Variants in BCR observed in about 807,000 individuals in gnomAD.
BCR encodes BCR activator of RhoGEF and GTPase.
BCR carries 58 observed loss-of-function variants against 138.6 expected under a neutral mutation model. That is an observed-to-expected ratio of 0.42 (90% CI 0.34 to 0.52). The LOEUF is 0.52. Among genes scored for constraint, BCR ranks in the 20% least tolerant of loss-of-function variants. The pLI, the probability that BCR is intolerant of heterozygous loss-of-function variation, is 0.06. For missense variants in BCR, 1,599 were observed against 1,727.2 expected (o/e 0.93, Z 1.32); for synonymous variants, 786 against 730.1 (o/e 1.08, Z -1.23).
intron 19 of BCR, chr22:23,312,458 G>A (rs2074018161): frequency 5.6e-6 from 1 of 180,070 alleles, no homozygotes; most frequent in South Asian, 1.3e-4. Flanking sequence ...AACCTGGCCT[G>A]TGGTGAGGAT....
chr22:23,269,800 C>G (rs1255304815), intron 5 of BCR, among the ~76,000 whole-genome samples: 1 of 152,212 alleles, frequency 6.6e-6, no homozygotes, highest in Non-Finnish European at 1.5e-5. Context: ...CTTGACAAAT[C>G]AGGGACCTGA....
Position 23,194,193 on chromosome 22 carries a change from A to G in BCR, c.1279+11954A>G, listed in dbSNP as rs538505090. ...AGTGATAAATGGAACTCATTTATGA[A>G]TTTTGACTTCCAAAAGCTTTCCACT... On this transcript the variant is annotated intron_variant, in intron 1 of 22. Transcript: ENST00000305877. 2.0e-3 allele frequency among the ~76,000 whole-genome samples: 305 copies of G among 152,312 alleles called. 2 individuals are homozygous for G. Among genetic ancestry groups the G allele is most frequent in the African/African-American group, 7.0e-3 (290 of 41,566 alleles).
intron 4 of BCR, chr22:23,263,312 C>A: frequency 1.7e-6 from 2 of 1,169,614 alleles, no homozygotes; most frequent in Non-Finnish European, 2.5e-6. Flanking sequence ...TGTGGCACTT[C>A]ACCAACTGCG....
chr22:23,240,925 T>C (rs1284616937), intron 1 of BCR, among the ~76,000 whole-genome samples: 1 of 152,224 alleles, frequency 6.6e-6, no homozygotes, highest in Non-Finnish European at 1.5e-5. Context: ...ACGTGGAATC[T>C]TACGGTATTT....
intron 1 of BCR, among the ~76,000 whole-genome samples, chr22:23,227,727 C>T (rs868717500): frequency 3.9e-5 from 6 of 152,322 alleles, no homozygotes; most frequent in African/African-American, 9.6e-5. Context: ...AGTGCTGCAC[C>T]CTTTTAGAAC....
In BCR at chr22:23,181,867, T is replaced by C. The variant is rs1377764151; in HGVS notation, c.907T>C (p.Ser303Pro). 1.2e-6 allele frequency: 2 copies of C among 1,613,016 alleles called. No individual in the cohort carries two copies. Among genetic ancestry groups the C allele is most frequent in the African/African-American group, 2.7e-5 (2 of 74,926 alleles). ...CCCGCTCCTGCGCAGCCAGAGCACC[T>C]CTGAGCAGGAGAAGCGCCTTACCTG... ...KGPLLRSQST[S>P]EQEKRLTWPR... The change falls in exon 1 of 23, where the codon TCT becomes CCT. Residue 303 changes from serine to proline, a missense_variant. Physicochemically the swap from Ser to Pro is moderately conservative, Grantham distance 74 (BLOSUM62 -1). Around this residue, in one of 4 missense-constraint regions of BCR, gnomAD observed 806 missense variants for 635.0 expected, o/e 1.27. Coordinates refer to ENST00000305877, the MANE Select transcript of BCR (RefSeq NM_004327.4).
At chr22:23,252,453 CAG>C (rs2073241787) in intron 1 of BCR, among the ~76,000 whole-genome samples, 1 of 88,864 alleles carries the variant, frequency 1.1e-5, no homozygotes, top group African/African-American at 5.3e-5. Flanking sequence ...TTTTTTGAGA[CAG>C]AGTCTTGCTC....
At chr22:23,262,679 G>A in intron 4 of BCR, 1 of 673,306 alleles carries the variant, frequency 1.5e-6, no homozygotes, top group Non-Finnish European at 1.8e-6. Flanking sequence ...CTGGGTGTGG[G>A]GCCGCCGGGA....
At chr22:23,263,131 C>T (rs1435752178) in intron 4 of BCR, 23 of 705,106 alleles carry the variant, frequency 3.3e-5, no homozygotes, top group South Asian at 7.5e-5. Flanking sequence ...GGGACAGGGG[C>T]GGCCATGGCG....
In BCR at chr22:23,185,534, C is replaced by G. The variant is rs559413639; in HGVS notation, c.1279+3295C>G. Among the ~76,000 whole-genome samples the G allele has an allele frequency of 2.3e-3, 344 of 151,346 alleles. 2 individuals carry two copies. Among genetic ancestry groups the G allele is most frequent in the African/African-American group, 7.5e-3 (310 of 41,324 alleles). ...CAAAAAATTAGCCGGGTGTGGTGGCCGGCGCCTGTAGTCCCAGCTACTCGG... is the reference window on the plus strand; with the variant it reads ...CAAAAAATTAGCCGGGTGTGGTGGCGGGCGCCTGTAGTCCCAGCTACTCGG... On this transcript the variant is annotated intron_variant, in intron 1 of 22. Coordinates refer to ENST00000305877, the MANE Select transcript of BCR (RefSeq NM_004327.4).
intron 19 of BCR, chr22:23,312,266 A>G (rs1011524331): frequency 1.0e-5 from 2 of 191,458 alleles, no homozygotes; most frequent in Non-Finnish European, 2.2e-5. Flanking sequence ...TGGAACTGTC[A>G]CAAATGCCAG....
chr22:23,191,947 C>T (rs1215696315), intron 1 of BCR, among the ~76,000 whole-genome samples: 2 of 152,128 alleles, frequency 1.3e-5, no homozygotes, highest in Non-Finnish European at 2.9e-5. Flanking sequence ...GAGAACTTCC[C>T]GAATCCTCAG....
chr22:23,181,813 G>C lies in BCR; in HGVS notation c.853G>C (p.Gly285Arg). ...EYQPYQSIYVGGMMEGEGKGP... is the reference protein window; with the variant it reads ...EYQPYQSIYVRGMMEGEGKGP... The stretch of plus-strand genomic sequence containing the variant: ...CCAGCCCTACCAGAGCATCTACGTC[G>C]GGGGCATGATGGAAGGGGAGGGCAA... Residue 285 changes from glycine (G) to arginine (R), a missense_variant, in exon 1 of 23, where the codon GGG becomes CGG. By Grantham distance (125) the Gly-to-Arg change is moderately radical. This residue lies in a region of BCR where 806 missense variants were observed against 635.0 expected (regional missense o/e 1.27). Coordinates refer to ENST00000305877, the MANE Select transcript of BCR (RefSeq NM_004327.4). 1 of 1,610,696 alleles carries C rather than the reference G, an allele frequency of 6.2e-7. No homozygotes were observed. Among genetic ancestry groups the C allele is most frequent in the Non-Finnish European group, 8.5e-7 (1 of 1,179,932 alleles).
intron 1 of BCR, among the ~76,000 whole-genome samples, chr22:23,190,236 C>G (rs920104566): frequency 6.6e-6 from 1 of 152,158 alleles, no homozygotes; most frequent in Admixed American, 6.5e-5. Flanking sequence ...GGCACAGTCT[C>G]AGCTCACTGC....
intron 1 of BCR, among the ~76,000 whole-genome samples, chr22:23,204,416 A>G (rs1899590949): frequency 6.9e-6 from 1 of 145,936 alleles, no homozygotes; most frequent in South Asian, 2.1e-4. Flanking sequence ...AAATTAAGTC[A>G]TGTTGCTCTG....
intron 1 of BCR, among the ~76,000 whole-genome samples, chr22:23,189,804 C>T (rs1471255163): frequency 6.6e-6 from 1 of 152,066 alleles, no homozygotes; most frequent in African/African-American, 2.4e-5. Context: ...CTAGCCTAGC[C>T]CTCTCAGTCT....
At chr22:23,189,103 G>GC (rs1454948964) in intron 1 of BCR, among the ~76,000 whole-genome samples, 12 of 152,006 alleles carry the variant, frequency 7.9e-5, no homozygotes, top group Admixed American at 2.6e-4. Context: ...CAGGTGATCT[G>GC]CCCCCCTCAG....
At chr22:23,194,407 T>C (rs1470674949) in intron 1 of BCR, among the ~76,000 whole-genome samples, 1 of 151,230 alleles carries the variant, frequency 6.6e-6, no homozygotes, top group Non-Finnish European at 1.5e-5. Context: ...TTTTTCTTTT[T>C]TTTTTTCTTT....
At chr22:23,190,996 G>T (rs377557424) in intron 1 of BCR, among the ~76,000 whole-genome samples, 1 of 151,982 alleles carries the variant, frequency 6.6e-6, no homozygotes, top group Non-Finnish European at 1.5e-5. Context: ...ATAGTGGCAT[G>T]ATCATAGCTC....
Sources: allele counts gnomAD v4.1 joint callset (sites outside exome capture counted in the v4.1 genomes callset), GRCh38; gene constraint gnomAD v4.1.1; regional missense constraint gnomAD v4.1.1; transcripts MANE v1.5; gene names NCBI Gene and HGNC (gene_info 2026-07-23, HGNC 2026-07-21).